Variants in MYO16 observed in about 807,000 individuals in gnomAD.
MYO16 encodes myosin XVI.
A neutral mutation model predicts 205.3 loss-of-function variants in MYO16; 94 were observed. The observed-to-expected ratio is 0.46, with a 90% CI of 0.39 to 0.54. The LOEUF is 0.54. MYO16 is among the 20% of genes least tolerant of loss of function. MYO16 has a pLI of 0.00. For synonymous variants in MYO16, 988 were observed against 954.0 expected (o/e 1.04, Z -0.66); for missense variants, 2,315 against 2,387.5 (o/e 0.97, Z 0.63).
intron 20 of MYO16, among the ~76,000 whole-genome samples, chr13:108,979,025 A>G (rs1286530260): frequency 2.0e-5 from 3 of 152,020 alleles, no homozygotes; most frequent in Non-Finnish European, 4.4e-5. Context: ...TTTGACATTT[A>G]CATTCCTGAT....
At chr13:109,078,601 G>T (rs1888188911) in intron 27 of MYO16, among the ~76,000 whole-genome samples, 1 of 151,902 alleles carries the variant, frequency 6.6e-6, no homozygotes, top group Admixed American at 6.6e-5. Flanking sequence ...GGTAATTTTT[G>T]AATAGTACCA....
chr13:108,723,157 T>G (rs1884225160), intron 3 of MYO16, among the ~76,000 whole-genome samples: 2 of 152,260 alleles, frequency 1.3e-5, no homozygotes, highest in South Asian at 4.1e-4. Context: ...CCCATTTTTT[T>G]GGTGAAGTGA....
chr13:108,607,008 T>G (rs911673642), intron 1 of MYO16, among the ~76,000 whole-genome samples: 2 of 152,210 alleles, frequency 1.3e-5, no homozygotes, highest in Non-Finnish European at 2.9e-5. Flanking sequence ...GACTTTGGAC[T>G]TTCATGGGGT....
rs377439662 is a variant in MYO16 at position 108,932,494 on chromosome 13, A to G, written c.1925+22344A>G. ...CAAGGCCTCCGGAGTGTTACCAACC[A>G]AGGACTATTTTTATGTTAATTCCAT... On this transcript the variant is annotated intron_variant, in intron 16 of 34. Transcript: ENST00000457511. Among the ~76,000 whole-genome samples the G allele has an allele frequency of 9.8e-5, 15 of 152,352 alleles. No homozygotes were observed. The East Asian group carries it at 2.5e-3, about 25-fold the overall frequency.
intron 20 of MYO16, among the ~76,000 whole-genome samples, chr13:108,968,562 G>A (rs1883887667): frequency 6.6e-6 from 1 of 152,080 alleles, no homozygotes; most frequent in Non-Finnish European, 1.5e-5. Flanking sequence ...GGAGGCGGAG[G>A]TTGCAGTAAG....
chr13:108,601,517 A>G (rs775685328), intron 1 of MYO16, among the ~76,000 whole-genome samples: 1 of 151,816 alleles, frequency 6.6e-6, no homozygotes, highest in Non-Finnish European at 1.5e-5. Flanking sequence ...GGGACTAGAC[A>G]GTTTATTTCT....
At chr13:108,554,499 A>G in the MYO16 span, among the ~76,000 whole-genome samples, 1 of 152,146 alleles carries the variant, frequency 6.6e-6, no homozygotes, top group Non-Finnish European at 1.5e-5. Flanking sequence ...AGAAGTTTTG[A>G]TGTTTGCCTG....
chr13:108,975,129 G>A (rs1033862107), intron 20 of MYO16, among the ~76,000 whole-genome samples: 1 of 151,614 alleles, frequency 6.6e-6, no homozygotes, highest in Non-Finnish European at 1.5e-5. Context: ...TGGTATGCTT[G>A]CTAAGTACAA....
intron 23 of MYO16, among the ~76,000 whole-genome samples, chr13:109,035,371 G>A (rs187212017): frequency 6.6e-6 from 1 of 152,176 alleles, no homozygotes; most frequent in East Asian, 1.9e-4. Flanking sequence ...TTCTCAGAAG[G>A]ACTGTGTTTC....
intron 23 of MYO16, among the ~76,000 whole-genome samples, chr13:109,023,339 A>C (rs1211421412): frequency 6.4e-5 from 4 of 62,378 alleles, no homozygotes; most frequent in African/African-American, 2.4e-4. Context: ...ATATAAATAT[A>C]TATTTATATA....
chr13:109,022,690 G>T (rs867174780), intron 23 of MYO16, among the ~76,000 whole-genome samples: 3 of 83,322 alleles, frequency 3.6e-5, no homozygotes, highest in Admixed American at 1.5e-4. Flanking sequence ...ATATAAACAT[G>T]TATATATTTA....
the MYO16 span, among the ~76,000 whole-genome samples, chr13:108,554,722 C>T: frequency 2.6e-5 from 4 of 151,562 alleles, no homozygotes; most frequent in African/African-American, 4.8e-5. Context: ...TGGTGGCGGG[C>T]GCCTGTAGTC....
At chr13:108,977,251 C>A (rs1022548421) in intron 20 of MYO16, among the ~76,000 whole-genome samples, 1 of 152,148 alleles carries the variant, frequency 6.6e-6, no homozygotes, top group Non-Finnish European at 1.5e-5. Context: ...ATAAAGAAAT[C>A]TCAGTATACT....
chr13:109,126,093 A>G (rs1196160158), intron 30 of MYO16, among the ~76,000 whole-genome samples: 3 of 152,142 alleles, frequency 2.0e-5, no homozygotes, highest in East Asian at 1.9e-4. Flanking sequence ...AAACTTGGTA[A>G]TATCTTGTTG....
intron 16 of MYO16, among the ~76,000 whole-genome samples, chr13:108,954,323 A>G (rs1883266299): frequency 1.3e-5 from 2 of 152,180 alleles, no homozygotes; most frequent in African/African-American, 4.8e-5. Context: ...TGGCCCCTCA[A>G]TGGATTATTA....
intron 4 of MYO16, among the ~76,000 whole-genome samples, chr13:108,754,630 T>C (rs546975203): frequency 6.6e-6 from 1 of 152,202 alleles, no homozygotes; most frequent in Admixed American, 6.5e-5. Context: ...ATGGCAAAGA[T>C]TCTAGAGTTG....
chr13:109,006,771 G>A (rs913098092), intron 21 of MYO16, among the ~76,000 whole-genome samples: 1 of 152,100 alleles, frequency 6.6e-6, no homozygotes, highest in Non-Finnish European at 1.5e-5. Flanking sequence ...TAACATAGTG[G>A]TTTAGGGTGC....
At chr13:108,692,602 T>A (rs762872706) in intron 2 of MYO16, among the ~76,000 whole-genome samples, 3 of 152,128 alleles carry the variant, frequency 2.0e-5, no homozygotes, top group Non-Finnish European at 4.4e-5. Flanking sequence ...ATTGATAATG[T>A]CCTAAGGGCC....
intron 9 of MYO16, among the ~76,000 whole-genome samples, chr13:108,825,297 A>T (rs905974589): frequency 6.6e-6 from 1 of 152,090 alleles, no homozygotes; most frequent in Non-Finnish European, 1.5e-5. Flanking sequence ...AAATCACATG[A>T]TTATCTCAAT....
Sources: gnomAD v4.1 joint callset for allele counts (sites outside exome capture counted in the v4.1 genomes callset) on GRCh38, gnomAD v4.1.1 for gene constraint, MANE v1.5 for transcripts, NCBI Gene and HGNC (gene_info 2026-07-23, HGNC 2026-07-21) for gene names.